Variants in FSIP2 observed in about 807,000 individuals in gnomAD.
The protein encoded by FSIP2 is fibrous sheath-interacting protein 2.
A neutral mutation model predicts 510.5 loss-of-function variants in FSIP2; 367 were observed. That is an observed-to-expected ratio of 0.72 (90% confidence interval 0.66 to 0.78). The LOEUF (loss-of-function observed/expected upper bound fraction) is 0.78, where lower values mean the gene tolerates loss of function less well. Ranked by LOEUF, FSIP2 falls within the 30% of genes least tolerant of loss-of-function variation. FSIP2 has a pLI of 0.00. For synonymous variants in FSIP2, 2,601 were observed against 2,732.2 expected (o/e 0.95, Z 1.50); for missense variants, 7,594 against 7,901.7 (o/e 0.96, Z 1.48).
chr2:185,804,987 T>C lies in FSIP2; in HGVS notation c.15681T>C (p.Ile5227=). 7 of 1,561,130 alleles carry C rather than the reference T, an allele frequency of 4.5e-6. No individual in the cohort carries two copies. Among genetic ancestry groups the C allele is most frequent in the Non-Finnish European group, 6.0e-6 (7 of 1,158,528 alleles). The change falls in exon 17 of 23, where the codon ATT becomes ATC. Residue 5227 remains isoleucine, a synonymous_variant. Transcript: ENST00000424728. ...TCCTCAGTAAATTAGCTGGTTTTAT[T>C]ATGAAAGAAATCATGTATCATCATT... is the stretch of plus-strand genomic sequence containing the variant. The part of the protein sequence containing the change: ...CSFLSKLAGF[I]MKEIMYHHLQ...
At position 185,805,261 on chromosome 2, in the gene FSIP2, CTGA is replaced by C. The variant is rs1246864448; in HGVS notation, c.15957_15959del (p.Ile5320del). 1 of 1,588,572 alleles carries C rather than the reference CTGA, an allele frequency of 6.3e-7. No individual in the cohort carries two copies. The highest frequency in any genetic ancestry group is 8.5e-7 in the Non-Finnish European group (1 of 1,171,290). ...CTTGGCTCTAAAACTTGCAAATTCT[CTGA>C]TAAGGGAATTTAAGAAAAGTGATAT... On this transcript the variant is annotated inframe_deletion, in exon 17 of 23. Transcript: ENST00000424728.
intron 6 of FSIP2, among the ~76,000 whole-genome samples, chr2:185,747,088 C>T (rs554879755): frequency 1.3e-5 from 2 of 152,114 alleles, no homozygotes; most frequent in South Asian, 2.1e-4. Flanking sequence ...ATTGTGGAGA[C>T]AAAATTTTTT....
chr2:185,782,001 A>AATC (rs1692860467), intron 13 of FSIP2, among the ~76,000 whole-genome samples: 1 of 149,736 alleles, frequency 6.7e-6, no homozygotes, highest in Non-Finnish European at 1.5e-5. Context: ...GCGCCCGGCT[A>AATC]ATCTTTTTGT....
At chr2:185,738,741 G>A, upstream of FSIP2, 1 of 1,536,002 alleles carries the variant, frequency 6.5e-7, no homozygotes, top group Non-Finnish European at 8.7e-7. Context: ...CCGCCCTTCT[G>A]GGGCCGCTAC....
At chr2:185,757,077 A>G (rs1215492489) in intron 9 of FSIP2, among the ~76,000 whole-genome samples, 1 of 151,372 alleles carries the variant, frequency 6.6e-6, no homozygotes, top group Non-Finnish European at 1.5e-5. Context: ...AGCTTTTACA[A>G]CATACCAAAG....
chr2:185,795,321 A>G lies in FSIP2; in HGVS notation c.8185A>G (p.Lys2729Glu). ...AGDAKNLLDT[K>E]LPTSELKIYA... ...AGATGCCAAAAATTTACTGGACACA[A>G]AATTGCCCACTTCAGAACTAAAAAT... is the stretch of plus-strand genomic sequence containing the variant. The change falls in exon 16 of 23, where the codon AAA becomes GAA. Residue 2729 changes from lysine (K) to glutamate (E), a missense_variant. Physicochemically the swap from Lys to Glu is moderately conservative, Grantham distance 56 (BLOSUM62 1). Transcript: ENST00000424728. The G allele has an allele frequency of 3.3e-6, 5 of 1,535,022 alleles. No homozygotes were observed. The highest frequency in any genetic ancestry group is 4.4e-6 in the Non-Finnish European group (5 of 1,146,212).
chr2:185,739,552 C>A, intron 2 of FSIP2, 81 bp downstream of exon 2: 1 of 1,235,496 alleles, frequency 8.1e-7, no homozygotes, highest in Non-Finnish European at 1.1e-6. Context: ...ATACAAAATT[C>A]ATTAAAGGAA....
In FSIP2 at chr2:185,804,037, T is replaced by G; in HGVS notation, c.14731T>G (p.Phe4911Val). The G allele has an allele frequency of 6.6e-7, 1 of 1,507,406 alleles. No individual in the cohort carries two copies. The highest frequency in any genetic ancestry group is 1.2e-5 in the South Asian group (1 of 80,298). 93.4% of individuals were successfully genotyped at this position (1,507,406 alleles called of 1,614,324 possible). ...AATCTTTAACCATCATATTCAATCA[T>G]TTTTATCTGAAGATAAAACTCTCCT... ...KEIFNHHIQS[F>V]LSEDKTLLLA... The change falls in exon 17 of 23, where the codon TTT becomes GTT. Residue 4911 changes from phenylalanine (F) to valine (V), a missense_variant. Phe to Val is a conservative substitution (Grantham distance 50). Coordinates refer to ENST00000424728, the MANE Select transcript of FSIP2 (RefSeq NM_173651.4).
At chr2:185,738,558 C>G, upstream of FSIP2, 1 of 1,500,326 alleles carries the variant, frequency 6.7e-7, no homozygotes, top group Non-Finnish European at 8.9e-7. Context: ...GGGAAATTAA[C>G]CAGTTACCCA....
Position 185,812,365 on chromosome 2 carries a change from C to T in FSIP2, c.19828-1180C>T, listed in dbSNP as rs138227709. Among the ~76,000 whole-genome samples the T allele has an allele frequency of 6.0e-3, 906 of 152,174 alleles. 7 individuals carry two copies. Among genetic ancestry groups the T allele is most frequent in the South Asian group, 9.8e-3 (47 of 4,820 alleles). ...CCCCTTCTGTCAGGCCAATTTCTCC[C>T]GTTTCAAACATGAATGTTTGCCCAA... On this transcript the variant is annotated intron_variant, in intron 17 of 22. Coordinates refer to ENST00000424728, the MANE Select transcript of FSIP2 (RefSeq NM_173651.4).
rs1467048835 is a variant in FSIP2, at chr2:185,801,912, A to G, written c.12606A>G (p.Gln4202=). Residue 4202 remains glutamine, a synonymous_variant, in exon 17 of 23, where the codon CAA becomes CAG. Transcript: ENST00000424728. ...HKIWFTIYDN[Q]YLYTGKNLQK... Reference sequence around the variant, plus strand: ...TCTGGTTCACTATATATGATAATCAATATCTATATACTGGAAAAAACCTCC... The same window carrying G: ...TCTGGTTCACTATATATGATAATCAGTATCTATATACTGGAAAAAACCTCC... 12 of 1,500,230 alleles carry G rather than the reference A, an allele frequency of 8.0e-6. No individual in the cohort carries two copies. Among genetic ancestry groups the G allele is most frequent in the African/African-American group, 5.6e-5 (4 of 71,390 alleles). The allele number at this position is 1,500,230 out of a possible 1,614,324, so 92.9% of individuals were successfully genotyped here.
chr2:185,768,770 G>C (rs1459312759), intron 13 of FSIP2, among the ~76,000 whole-genome samples: 2 of 151,492 alleles, frequency 1.3e-5, no homozygotes, highest in Non-Finnish European at 3.0e-5. Flanking sequence ...TATTTTTTCT[G>C]ATCCTCTCCC....
chr2:185,782,920 A>G (rs1027912007), intron 14 of FSIP2, among the ~76,000 whole-genome samples, 158 bp downstream of exon 14: 26 of 152,142 alleles, frequency 1.7e-4, no homozygotes, highest in African/African-American at 6.0e-4. Context: ...ACTAAGCTTA[A>G]ATTGTAGACA....
chr2:185,759,809 T>C (rs1373148537), intron 9 of FSIP2, among the ~76,000 whole-genome samples: 1 of 150,582 alleles, frequency 6.6e-6, no homozygotes, highest in Non-Finnish European at 1.5e-5. Context: ...TAGAAAATGT[T>C]CACTCTTCTT....
intron 4 of FSIP2, chr2:185,744,915 A>T (rs1023116621): frequency 6.5e-6 from 1 of 153,120 alleles, no homozygotes; most frequent in South Asian, 2.1e-4. Context: ...GATTGGGTGT[A>T]GAGTGAATGG....
At chr2:185,788,087 C>CTA (rs916343181) in intron 15 of FSIP2, 3 of 151,334 alleles carry the variant, frequency 2.0e-5, no homozygotes, top group Non-Finnish European at 4.4e-5. Context: ...TTAGTCATTC[C>CTA]TATATATATA....
In FSIP2 at chr2:185,794,026, G is replaced by A; in HGVS notation, c.6890G>A (p.Ser2297Asn). 6.5e-7 allele frequency: 1 copy of A among 1,533,734 alleles called. No homozygotes were observed. The highest frequency in any genetic ancestry group is 8.7e-7 in the Non-Finnish European group (1 of 1,145,352). The change falls in exon 16 of 23, where the codon AGC (serine) becomes AAC (asparagine). Residue 2297 changes from serine to asparagine, a missense_variant. Transcript: ENST00000424728. ...TTGGAAAATTGTAAACAAAATGACA[G>A]CATCTTTTATGATTCAAGCCAAGTG... ...PELENCKQND[S>N]IFYDSSQVES...
chr2:185,759,194 C>G (rs1403509116), intron 9 of FSIP2, among the ~76,000 whole-genome samples: 1 of 150,626 alleles, frequency 6.6e-6, no homozygotes, highest in African/African-American at 2.4e-5. Flanking sequence ...AAGACATCCC[C>G]TTTTTTCTTA....
rs1186654207 is a variant in FSIP2, at chr2:185,761,987, T to C, written c.1210T>C (p.Ser404Pro). ...TACCATGTAGAGAGATGGGATGGTATCTAAAAACTCAAGTATTTTCGATGA... is the reference window on the plus strand; with the variant it reads ...TACCATGTAGAGAGATGGGATGGTACCTAAAAACTCAAGTATTTTCGATGA... ...GINQKRDGMVSKNSSIFDDRG... is the reference protein window; with the variant it reads ...GINQKRDGMVPKNSSIFDDRG... Residue 404 changes from serine (S) to proline (P), a missense_variant, in exon 11 of 23, where the codon TCT becomes CCT. Physicochemically the swap from Ser to Pro is moderately conservative, Grantham distance 74. Transcript: ENST00000424728. 2.7e-6 allele frequency: 4 copies of C among 1,486,764 alleles called. No individual in the cohort carries two copies. Among genetic ancestry groups the C allele is most frequent in the East Asian group, 4.9e-5 (2 of 40,412 alleles). The allele number at this position is 1,486,764 out of a possible 1,614,324, so 92.1% of individuals were successfully genotyped here.
Sources: allele counts gnomAD v4.1 joint callset (sites outside exome capture counted in the v4.1 genomes callset), GRCh38; gene constraint gnomAD v4.1.1; transcripts MANE v1.5; gene names NCBI Gene and HGNC (gene_info 2026-07-23, HGNC 2026-07-21).